The following DIP2B variants were observed in gnomAD, a reference collection of about 807,000 sequenced individuals.
The protein encoded by DIP2B is disco-interacting protein 2 homolog B.
In DIP2B, 76 loss-of-function variants were observed where a neutral mutation model predicts 198.0. The observed-to-expected ratio is 0.38, with a 90% CI of 0.32 to 0.46. The LOEUF (loss-of-function observed/expected upper bound fraction) is 0.46. Ranked by LOEUF, DIP2B falls within the 20% of genes least tolerant of loss-of-function variation. The pLI, the probability that DIP2B is intolerant of heterozygous loss-of-function variation, is 0.99. For missense variants in DIP2B, 1,559 were observed against 1,978.4 expected (o/e 0.79, Z 4.02); for synonymous variants, 701 against 739.1 (o/e 0.95, Z 0.84).
chr12:50,721,298 G>A lies in DIP2B; in HGVS notation c.3068G>A (p.Cys1023Tyr), dbSNP rs1404090956. Residue 1023 changes from cysteine to tyrosine, a missense_variant, in exon 26 of 38, where the codon TGC becomes TAC. Cys to Tyr is a radical substitution (Grantham distance 194). Transcript: ENST00000301180. ...AKGTTVCTAS[C>Y]LQLHKRAERI... The stretch of plus-strand genomic sequence containing the variant: ...GGAACCACTGTATGCACAGCCAGCT[G>A]CCTTCAGCTTCATAAGCGAGCAGAG... The A allele has an allele frequency of 6.2e-7, 1 of 1,614,122 alleles. No individual in the cohort carries two copies.
chr12:50,670,844 A>G (rs1592119862), intron 4 of DIP2B, among the ~76,000 whole-genome samples: 1 of 152,264 alleles, frequency 6.6e-6, no homozygotes, highest in East Asian at 1.9e-4. Flanking sequence ...TCAGGAAGAC[A>G]TATAAGTACT....
Position 50,505,120 on chromosome 12 carries a change from A to T in DIP2B, c.-21A>T. ...TTCGGCCCCCTCTCTTGTCTTCCGGAGTGTGGCTGGCGGAGCTGGGATGGC... is the reference window on the plus strand; with the variant it reads ...TTCGGCCCCCTCTCTTGTCTTCCGGTGTGTGGCTGGCGGAGCTGGGATGGC... On this transcript the variant is annotated 5_prime_UTR_variant, in exon 1 of 38. Transcript: ENST00000301180. The T allele has an allele frequency of 6.5e-7, 1 of 1,528,606 alleles. No homozygotes were observed. Among genetic ancestry groups the T allele is most frequent in the Non-Finnish European group, 8.8e-7 (1 of 1,142,192 alleles). 94.7% of individuals were successfully genotyped at this position (1,528,606 alleles called of 1,614,324 possible).
At chr12:50,637,065 T>G (rs1565853530) in intron 2 of DIP2B, among the ~76,000 whole-genome samples, 1 of 152,060 alleles carries the variant, frequency 6.6e-6, no homozygotes, top group East Asian at 1.9e-4. Flanking sequence ...GAGGCTAGAT[T>G]GATTGAGCCT....
At chr12:50,644,125 A>G (rs1360216194) in intron 3 of DIP2B, among the ~76,000 whole-genome samples, 1 of 152,214 alleles carries the variant, frequency 6.6e-6, no homozygotes, top group Non-Finnish European at 1.5e-5. Context: ...TAAAGAACTT[A>G]CCTTTATTCA....
At chr12:50,507,923 T>C (rs890393933) in intron 1 of DIP2B, among the ~76,000 whole-genome samples, 3 of 152,220 alleles carry the variant, frequency 2.0e-5, no homozygotes, top group African/African-American at 7.2e-5. Flanking sequence ...TCTTTTTTTT[T>C]TTAAGGTTCA....
At chr12:50,545,214 T>C (rs1267660666) in intron 1 of DIP2B, among the ~76,000 whole-genome samples, 2 of 152,170 alleles carry the variant, frequency 1.3e-5, no homozygotes, top group Admixed American at 1.3e-4. Flanking sequence ...GTATTACCAG[T>C]TTTCCAAAGT....
At chr12:50,587,748 T>C (rs967263807) in intron 1 of DIP2B, among the ~76,000 whole-genome samples, 1 of 152,242 alleles carries the variant, frequency 6.6e-6, no homozygotes, top group Non-Finnish European at 1.5e-5. Context: ...AAAATTAACC[T>C]GCATGTTGTC....
chr12:50,511,946 C>CAAAA (rs1294473966), intron 1 of DIP2B, among the ~76,000 whole-genome samples: 7 of 26,558 alleles, frequency 2.6e-4, no homozygotes, highest in Admixed American at 4.7e-4. Flanking sequence ...GACTCCGTCT[C>CAAAA]AAAAAAAAAA....
intron 1 of DIP2B, among the ~76,000 whole-genome samples, chr12:50,513,966 T>G (rs543640818): frequency 6.6e-6 from 1 of 152,108 alleles, no homozygotes; most frequent in Non-Finnish European, 1.5e-5. Flanking sequence ...ATTGGTCTGA[T>G]TGTAGTCTCT....
intron 1 of DIP2B, among the ~76,000 whole-genome samples, chr12:50,620,469 C>T (rs1937789478): frequency 6.6e-6 from 1 of 152,210 alleles, no homozygotes; most frequent in South Asian, 2.1e-4. Context: ...GACAGTCTCA[C>T]AGCGTGTGGG....
chr12:50,694,064 C>T (rs959080168), intron 14 of DIP2B, among the ~76,000 whole-genome samples: 1 of 152,166 alleles, frequency 6.6e-6, no homozygotes, highest in Non-Finnish European at 1.5e-5. Context: ...GCAGGACCTC[C>T]TGTAAGAAAC....
At position 50,727,919 on chromosome 12, in the gene DIP2B, G is replaced by T; in HGVS notation, c.3510+107G>T. ...AAGTGGTTGTACCAGAGACCGGTAGGCAGAGTGAAGATCTAAGTCGCTGCT... is the reference window on the plus strand; with the variant it reads ...AAGTGGTTGTACCAGAGACCGGTAGTCAGAGTGAAGATCTAAGTCGCTGCT... On this transcript the variant is annotated intron_variant, in intron 29 of 37. Transcript: ENST00000301180. 5.8e-6 allele frequency: 5 copies of T among 866,544 alleles called. No individual in the cohort carries two copies. The South Asian group carries it at 7.6e-5, about 13-fold the overall frequency. 53.7% of individuals were successfully genotyped at this position (866,544 alleles called of 1,614,324 possible).
intron 3 of DIP2B, among the ~76,000 whole-genome samples, chr12:50,655,366 G>A (rs2243571): frequency 0.59 from 90,338 of 152,048 alleles, 27,829 homozygotes; most frequent in Non-Finnish European, 0.69. Context: ...ACTACCTATA[G>A]CAAAGGTGGG....
intron 1 of DIP2B, among the ~76,000 whole-genome samples, chr12:50,559,292 G>T (rs1386542299): frequency 6.7e-6 from 1 of 149,730 alleles, no homozygotes; most frequent in Non-Finnish European, 1.5e-5. Context: ...CAGAAAAGAG[G>T]AAGATGGTGT....
intron 4 of DIP2B, among the ~76,000 whole-genome samples, chr12:50,666,254 T>C (rs2139518371): frequency 6.6e-6 from 1 of 152,378 alleles, no homozygotes; most frequent in East Asian, 1.9e-4. Flanking sequence ...ATTTATTGCA[T>C]GCCCTCAGTG....
chr12:50,552,735 C>T (rs1354919861), intron 1 of DIP2B, among the ~76,000 whole-genome samples: 1 of 151,986 alleles, frequency 6.6e-6, no homozygotes, highest in East Asian at 1.9e-4. Context: ...CTTGCCAAAT[C>T]CAGTATTATT....
At position 50,691,186 on chromosome 12, in the gene DIP2B, C is replaced by T. The variant is rs370226305; in HGVS notation, c.1654+35C>T. The T allele has an allele frequency of 9.4e-5, 148 of 1,574,058 alleles. No homozygotes were observed. In the African/African-American group the frequency reaches 1.9e-3, roughly 20 times the overall value. The stretch of plus-strand genomic sequence containing the variant: ...CATCCCATGACTGCCCTCATTGTTA[C>T]CTTCAGAGATGTGTGACTGTGAGCA... On this transcript the variant is annotated intron_variant, in intron 13 of 37. Transcript: ENST00000301180.
chr12:50,733,412 G>A (rs1407601591), intron 32 of DIP2B, among the ~76,000 whole-genome samples: 1 of 152,096 alleles, frequency 6.6e-6, no homozygotes, highest in African/African-American at 2.4e-5. Context: ...ATAGCGCCAG[G>A]TGTGGTGGTT....
At chr12:50,670,493 G>A (rs952247587) in intron 4 of DIP2B, among the ~76,000 whole-genome samples, 3 of 152,078 alleles carry the variant, frequency 2.0e-5, no homozygotes, top group South Asian at 2.1e-4. Context: ...GTGGCTCACC[G>A]AAACCTCTGC....
Sources: allele counts gnomAD v4.1 joint callset (sites outside exome capture counted in the v4.1 genomes callset), GRCh38; gene constraint gnomAD v4.1.1; transcripts MANE v1.5; gene names NCBI Gene and HGNC (gene_info 2026-07-23, HGNC 2026-07-21).